Variants in PPAN observed in about 807,000 individuals in gnomAD.
The protein encoded by PPAN is peter pan homolog.
In PPAN, 39 loss-of-function variants were observed where a neutral mutation model predicts 48.5. The ratio of observed to expected loss-of-function variants is 0.80; its 90% CI spans 0.62 to 1.05. The LOEUF (loss-of-function observed/expected upper bound fraction) is 1.05, where lower values mean the gene tolerates loss of function less well. Among genes scored for constraint, PPAN ranks in the 50% least tolerant of loss-of-function variants. The pLI, the probability that PPAN is intolerant of heterozygous loss-of-function variation, is 0.00. For missense variants in PPAN, 736 were observed against 661.7 expected, an observed-to-expected ratio of 1.11 and a Z score of -1.23; for synonymous variants, 315 against 268.6, an observed-to-expected ratio of 1.17 and a Z score of -1.69.
chr19:10,106,725 G>A, intron 2 of PPAN, 54 bp downstream of exon 2: 1 of 1,484,986 alleles, frequency 6.7e-7, no homozygotes, highest in Non-Finnish European at 9.0e-7. Flanking sequence ...AGTCTTCGTA[G>A]CTGCAGTAAT....
At position 10,110,256 on chromosome 19, in the gene PPAN, A is replaced by G. The variant is rs777056688; in HGVS notation, c.822+10A>G. ...AGTGCGGCTCACCGAGGTGAGGCCC[A>G]GGGCAGGGGGACCCCCGGGCTCCAC... is the stretch of plus-strand genomic sequence containing the variant. On this transcript the variant is annotated intron_variant, in intron 8 of 11. Transcript: ENST00000253107. The surrounding 1 kb of genome is among the most constrained non-coding windows in gnomAD (Gnocchi z 5.9). 6.8e-6 allele frequency: 11 copies of G among 1,612,098 alleles called. No individual in the cohort carries two copies. Among genetic ancestry groups the G allele is most frequent in the East Asian group, 2.2e-5 (1 of 44,850 alleles).
chr19:10,109,510 T>C (rs953255428), intron 5 of PPAN, 121 bp from the exon 6 acceptor site: 1 of 1,218,588 alleles, frequency 8.2e-7, no homozygotes, highest in Non-Finnish European at 1.1e-6. Context: ...AGGTGCGAGC[T>C]GGAAGCAGCA....
Position 10,111,052 on chromosome 19 carries a change from C to T in PPAN, c.1309C>T (p.Pro437Ser), listed in dbSNP as rs776040242. ...GRGRLCDQKF[P>S]KTKDKSQGAQ... ...GGGTCGCCTTTGTGACCAGAAGTTT[C>T]CCAAGACCAAGGACAAGTCCCAGGG... The change falls in exon 12 of 12, where the codon CCC (proline) becomes TCC (serine). Residue 437 changes from proline (P) to serine (S), a missense_variant. Transcript: ENST00000253107. The T allele has an allele frequency of 3.7e-6, 6 of 1,613,554 alleles. No individual in the cohort carries two copies. In the African/African-American group the frequency reaches 8.0e-5, roughly 22 times the overall value.
Position 10,111,835 on chromosome 19 carries a change from G to T in PPAN, c.*670G>T. The T allele has an allele frequency of 6.9e-7, 1 of 1,444,376 alleles. No individual in the cohort carries two copies. Among genetic ancestry groups the T allele is most frequent in the South Asian group, 1.2e-5 (1 of 84,932 alleles). 89.5% of individuals were successfully genotyped at this position (1,444,376 alleles called of 1,614,324 possible). A position where few individuals can be genotyped will look rare whatever the true frequency, so the allele number is the denominator to read the frequency against. ...GGTAAAACACCTAGGTCTGGGGCTG[G>T]GCACGGTGGCTCACGCCTGTAATCC... On this transcript the variant is annotated 3_prime_UTR_variant, in exon 12 of 12. Coordinates refer to ENST00000253107, the MANE Select transcript of PPAN (RefSeq NM_020230.7).
At position 10,109,920 on chromosome 19, in the gene PPAN, A is replaced by G. The variant is rs1179623277; in HGVS notation, c.598A>G (p.Lys200Glu). Reference sequence around the variant, plus strand: ...CCACTCATGTTCCTGCAGTAGCATCAAAGTTGTTCCTGTGGGCGCGAGTCG... The same window carrying G: ...CCACTCATGTTCCTGCAGTAGCATCGAAGTTGTTCCTGTGGGCGCGAGTCG... ...QELDFRHYSI[K>E]VVPVGASRGM... Residue 200 changes from lysine to glutamate, a missense_variant, in exon 7 of 12, where the codon AAA (lysine) becomes GAA (glutamate). Physicochemically the swap from Lys to Glu is moderately conservative, Grantham distance 56. Coordinates refer to ENST00000253107, the MANE Select transcript of PPAN (RefSeq NM_020230.7). 2 of 1,614,022 alleles carry G rather than the reference A, an allele frequency of 1.2e-6. No homozygotes were observed. Among genetic ancestry groups the G allele is most frequent in the Admixed American group, 3.3e-5 (2 of 60,022 alleles).
At position 10,110,646 on chromosome 19, in the gene PPAN, G is replaced by C. The variant is rs1176393792; in HGVS notation, c.1031+32G>C. On this transcript the variant is annotated intron_variant, in intron 10 of 11. Coordinates refer to ENST00000253107, the MANE Select transcript of PPAN (RefSeq NM_020230.7). This position sits in a 1 kb window ranked among gnomAD's most constrained non-coding sequence, Gnocchi z 5.9. ...GCAGAGCTGGGAAGGGCAGGGCCAAGGGGGGGTCCCTGGGATGGGCGGCTA... is the reference window on the plus strand; with the variant it reads ...GCAGAGCTGGGAAGGGCAGGGCCAACGGGGGGTCCCTGGGATGGGCGGCTA... 1 of 1,609,912 alleles carries C rather than the reference G, an allele frequency of 6.2e-7. No individual in the cohort carries two copies.
intron 5 of PPAN, among the ~76,000 whole-genome samples, chr19:10,108,925 A>C (rs1410545145): frequency 6.6e-6 from 1 of 151,252 alleles, no homozygotes; most frequent in Non-Finnish European, 1.5e-5. Context: ...GTCATCAGGG[A>C]GGCTAATACG....
intron 2 of PPAN, 94 bp from the exon 3 acceptor site, chr19:10,107,411 C>T (rs759551655): frequency 2.7e-4 from 369 of 1,362,992 alleles, no homozygotes; most frequent in Non-Finnish European, 3.3e-4. Flanking sequence ...GGGTCAGATG[C>T]AAGACAGACC....
chr19:10,107,800 G>C lies in PPAN; in HGVS notation c.292-4G>C. On this transcript the variant is annotated splice_polypyrimidine_tract_variant and splice_region_variant and intron_variant, in intron 3 of 11. Coordinates refer to ENST00000253107, the MANE Select transcript of PPAN (RefSeq NM_020230.7). ...AGAGTCACTGATCTTTTCTTCTCCTGCAGAAGCTGATGCGCCTCCCAGGAG... is the reference window on the plus strand; with the variant it reads ...AGAGTCACTGATCTTTTCTTCTCCTCCAGAAGCTGATGCGCCTCCCAGGAG... 6.2e-7 allele frequency: 1 copy of C among 1,613,652 alleles called. No homozygotes were observed. The highest frequency in any genetic ancestry group is 8.5e-7 in the Non-Finnish European group (1 of 1,179,634).
At chr19:10,108,912 T>C (rs895138886) in intron 5 of PPAN, among the ~76,000 whole-genome samples, 2 of 151,838 alleles carry the variant, frequency 1.3e-5, no homozygotes, top group Non-Finnish European at 2.9e-5. Flanking sequence ...ATATAAGATA[T>C]CAGTCATCAG....
chr19:10,106,913 G>C lies in PPAN; in HGVS notation c.189+242G>C, dbSNP rs984448858. ...TTAAGACTGGAATCTGGAGCCGGGCGTGGTGGCTCATGCCTGTATTCCCAG... is the reference window on the plus strand; with the variant it reads ...TTAAGACTGGAATCTGGAGCCGGGCCTGGTGGCTCATGCCTGTATTCCCAG... On this transcript the variant is annotated intron_variant, in intron 2 of 11. Transcript: ENST00000253107. 5.8e-6 allele frequency: 4 copies of C among 690,388 alleles called. No homozygotes were observed. In the African/African-American group the frequency reaches 7.2e-5, roughly 12 times the overall value. 42.8% of individuals were successfully genotyped at this position (690,388 alleles called of 1,614,324 possible). A position where few individuals can be genotyped will look rare whatever the true frequency, so the allele number is the denominator to read the frequency against.
intron 5 of PPAN, among the ~76,000 whole-genome samples, chr19:10,108,790 T>C (rs2088936336): frequency 6.7e-6 from 1 of 149,676 alleles, no homozygotes; most frequent in African/African-American, 2.5e-5. Context: ...CTGGCAGAGA[T>C]GCTAAGTTTA....
Position 10,110,678 on chromosome 19 carries a change from C to A in PPAN, c.1032-19C>A, listed in dbSNP as rs779345469. 1.2e-6 allele frequency: 2 copies of A among 1,612,614 alleles called. No homozygotes were observed. Among genetic ancestry groups the A allele is most frequent in the South Asian group, 2.2e-5 (2 of 91,034 alleles). On this transcript the variant is annotated intron_variant, in intron 10 of 11. Transcript: ENST00000253107. The surrounding 1 kb of genome is among the most constrained non-coding windows in gnomAD (Gnocchi z 5.9). ...TCCCTGGGATGGGCGGCTATGTTGACCCCCACGCCCTCCTCCAGAAAGAAG... is the reference window on the plus strand; with the variant it reads ...TCCCTGGGATGGGCGGCTATGTTGAACCCCACGCCCTCCTCCAGAAAGAAG...
In PPAN at chr19:10,108,008, C is replaced by T. The variant is rs757554158; in HGVS notation, c.387C>T (p.Arg129=). The T allele has an allele frequency of 1.2e-6, 2 of 1,612,658 alleles. No homozygotes were observed. The highest frequency in any genetic ancestry group is 2.2e-5 in the East Asian group (1 of 44,898). ...RDVVSSLRRH[R]MHEQQFAHPP... ...TGGTCTCCTCACTGCGCCGGCACCG[C>T]ATGCACGAGCAGCAGTTTGCCCACC... The change falls in exon 5 of 12, where the codon CGC becomes CGT. Residue 129 remains arginine (R), a synonymous_variant. Coordinates refer to ENST00000253107, the MANE Select transcript of PPAN (RefSeq NM_020230.7).
Position 10,108,099 on chromosome 19 carries a change from T to G in PPAN, c.478T>G (p.Phe160Val). The change falls in exon 5 of 12, where the codon TTC becomes GTC. Residue 160 changes from phenylalanine to valine, a missense_variant. Phe to Val is a conservative substitution (Grantham distance 50, BLOSUM62 -1). Coordinates refer to ENST00000253107, the MANE Select transcript of PPAN (RefSeq NM_020230.7). ...GCATGTGAAGCTCATGGCCACCATG[T>G]TCCAGAACCTGTTCCCCTCCATCAA... ...GMHVKLMATM[F>V]QNLFPSINVH... is the part of the protein sequence containing the mutation. 1 of 1,613,560 alleles carries G rather than the reference T, an allele frequency of 6.2e-7. No homozygotes were observed. The highest frequency in any genetic ancestry group is 8.5e-7 in the Non-Finnish European group (1 of 1,179,662).
In PPAN at chr19:10,107,579, G is replaced by A. The variant is rs769859496; in HGVS notation, c.264G>A (p.Leu88=). The A allele has an allele frequency of 2.9e-5, 46 of 1,614,004 alleles. No individual in the cohort carries two copies. In the Admixed American group the frequency reaches 7.3e-4, roughly 26 times the overall value. The change falls in exon 3 of 12, where the codon CTG becomes CTA. Residue 88 remains leucine, a synonymous_variant. Coordinates refer to ENST00000253107, the MANE Select transcript of PPAN (RefSeq NM_020230.7). ...TCGGGGTCACACACTTTCTGATCCT[G>A]AGCAAAACAGAGACCAATGTCTACT... ...GPLGVTHFLI[L]SKTETNVYFK... is the part of the protein sequence containing the mutation.
At chr19:10,106,337 T>A (rs1316329524), upstream of PPAN, 4 of 1,546,874 alleles carry the variant, frequency 2.6e-6, no homozygotes, top group Admixed American at 7.9e-5. Context: ...GCGCCGGAAG[T>A]GAGCTGCGCA....
intron 2 of PPAN, chr19:10,107,069 C>A (rs2088856099): frequency 2.1e-6 from 1 of 472,648 alleles, no homozygotes; most frequent in African/African-American, 2.0e-5. Flanking sequence ...TGCCTGTAGT[C>A]CCGGCTACTC....
rs2088897113 is a variant in PPAN, at chr19:10,108,061, GC to G, written c.445del (p.His149MetfsTer5). On this transcript the variant is annotated frameshift_variant, in exon 5 of 12. Transcript: ENST00000253107. LOFTEE classifies it high-confidence loss of function. ...HPPLLVLNSF[G>X]PHGMHVKLMA... ...CCCCTCCTGGTACTCAACAGCTTTG[GC>G]CCCCATGGTATGCATGTGAAGCTCA... 1 of 1,614,116 alleles carries G rather than the reference GC, an allele frequency of 6.2e-7. No individual in the cohort carries two copies. The highest frequency in any genetic ancestry group is 8.5e-7 in the Non-Finnish European group (1 of 1,180,016).
Sources: gnomAD v4.1 joint callset for allele counts (sites outside exome capture counted in the v4.1 genomes callset) on GRCh38, gnomAD v4.1.1 for gene constraint, Gnocchi (gnomAD v3.1) non-coding constraint, MANE v1.5 for transcripts, NCBI Gene and HGNC (gene_info 2026-07-23, HGNC 2026-07-21) for gene names.